The following DYNC2H1 variants were observed in gnomAD, a reference collection of about 807,000 sequenced individuals.
DYNC2H1 encodes the protein dynein cytoplasmic 2 heavy chain 1.
In DYNC2H1, 410 loss-of-function variants were observed where a neutral mutation model predicts 570.0. That is an observed-to-expected ratio of 0.72 (90% CI 0.66 to 0.78). DYNC2H1 has a LOEUF of 0.78. Among genes scored for constraint, DYNC2H1 ranks in the 30% least tolerant of loss-of-function variants. The pLI is 0.00. For synonymous variants in DYNC2H1, 1,688 were observed against 1,677.6 expected (o/e 1.01, Z -0.15); for missense variants, 4,865 against 5,046.4 (o/e 0.96, Z 1.09).
chr11:103,470,889 T>C (rs1463602653), intron 88 of DYNC2H1, among the ~76,000 whole-genome samples: 1 of 152,166 alleles, frequency 6.6e-6, no homozygotes, highest in Non-Finnish European at 1.5e-5. Context: ...TGTGCATGTG[T>C]CTTTATAGCA....
At chr11:103,376,511 A>G (rs1941401124) in intron 83 of DYNC2H1, among the ~76,000 whole-genome samples, 1 of 152,202 alleles carries the variant, frequency 6.6e-6, no homozygotes, top group African/African-American at 2.4e-5. Context: ...GGGCTAACAT[A>G]AAGAATCCTG....
In DYNC2H1 at chr11:103,479,653, T is replaced by G. The variant is rs1945679667; in HGVS notation, c.*400T>G. The G allele has an allele frequency of 6.5e-6, 1 of 154,426 alleles. No individual in the cohort carries two copies. Among genetic ancestry groups the G allele is most frequent in the African/African-American group, 2.4e-5 (1 of 41,486 alleles). The allele number at this position is 154,426 out of a possible 1,614,324, so 9.6% of individuals were successfully genotyped here. A position where few individuals can be genotyped will look rare whatever the true frequency, so the allele number is the denominator to read the frequency against. ...CAGTCTTCCCATGACTCTTTTTACA[T>G]ACTGAAGAATGTATTATAAAGTTAT... On this transcript the variant is annotated 3_prime_UTR_variant, in exon 89 of 89. Coordinates refer to ENST00000375735, the MANE Select transcript of DYNC2H1 (RefSeq NM_001377.3).
chr11:103,215,322 C>T (rs1434734744), intron 54 of DYNC2H1, among the ~76,000 whole-genome samples: 1 of 152,068 alleles, frequency 6.6e-6, no homozygotes, highest in East Asian at 1.9e-4. Flanking sequence ...AGGTATGTTC[C>T]TCCAATGCCT....
rs371611131 is a variant in DYNC2H1 at position 103,259,884 on chromosome 11, A to G, written c.10606-4A>G. ...CCTAATGAATTTCCAATTATAATCT[A>G]CAGGATTCTGAAAATACAGAACAGA... On this transcript the variant is annotated splice_polypyrimidine_tract_variant and splice_region_variant and intron_variant, in intron 69 of 88. Transcript: ENST00000375735. The G allele has an allele frequency of 2.6e-5, 39 of 1,513,122 alleles. No homozygotes were observed. Among genetic ancestry groups the G allele is most frequent in the Non-Finnish European group, 3.3e-5 (37 of 1,124,454 alleles). The allele number at this position is 1,513,122 out of a possible 1,614,324, so 93.7% of individuals were successfully genotyped here. A position where few individuals can be genotyped will look rare whatever the true frequency, so the allele number is the denominator to read the frequency against.
intron 83 of DYNC2H1, among the ~76,000 whole-genome samples, chr11:103,390,100 TAA>T (rs1183417260): frequency 6.6e-6 from 1 of 152,198 alleles, no homozygotes; most frequent in African/African-American, 2.4e-5. Flanking sequence ...AGTGGGGTGT[TAA>T]AGTCTCCCAT....
chr11:103,267,516 A>G (rs1865556955), intron 70 of DYNC2H1, among the ~76,000 whole-genome samples: 3 of 152,018 alleles, frequency 2.0e-5, no homozygotes, highest in Admixed American at 2.0e-4. Flanking sequence ...CTAAAATGTT[A>G]TGATCCTAAT....
chr11:103,225,999 T>C (rs1375375897), intron 59 of DYNC2H1, among the ~76,000 whole-genome samples: 2 of 151,986 alleles, frequency 1.3e-5, no homozygotes, highest in African/African-American at 4.8e-5. Flanking sequence ...GAGTTCTTGA[T>C]TTGATTCTTA....
chr11:103,226,573 G>A (rs1207394496), intron 59 of DYNC2H1, among the ~76,000 whole-genome samples: 3 of 152,168 alleles, frequency 2.0e-5, no homozygotes, highest in Non-Finnish European at 2.9e-5. Flanking sequence ...AGTTGATCAT[G>A]GTGGATTATC....
At chr11:103,468,503 A>G in intron 87 of DYNC2H1, 86 bp from the exon 88 acceptor site, 1 of 845,104 alleles carries the variant, frequency 1.2e-6, no homozygotes, top group Non-Finnish European at 1.9e-6. Context: ...CACAATGGAA[A>G]GCATAGCTCT....
intron 58 of DYNC2H1, among the ~76,000 whole-genome samples, chr11:103,222,382 C>CTG (rs1011250663): frequency 5.9e-5 from 9 of 152,048 alleles, no homozygotes; most frequent in African/African-American, 2.2e-4. Flanking sequence ...AGTTTTGTAT[C>CTG]TGCTGTTAAT....
At chr11:103,382,439 A>G (rs1476644220) in intron 83 of DYNC2H1, among the ~76,000 whole-genome samples, 1 of 152,242 alleles carries the variant, frequency 6.6e-6, no homozygotes, top group Admixed American at 6.5e-5. Flanking sequence ...TAAAATTAAG[A>G]AAGTAACAAA....
At chr11:103,279,742 T>C (rs921815236) in intron 70 of DYNC2H1, among the ~76,000 whole-genome samples, 2 of 152,198 alleles carry the variant, frequency 1.3e-5, no homozygotes, top group African/African-American at 2.4e-5. Flanking sequence ...TACTGGGTTA[T>C]CTGATAGTTT....
At chr11:103,155,275 G>T in intron 24 of DYNC2H1, 56 bp from the exon 25 acceptor site, 6 of 1,467,056 alleles carry the variant, frequency 4.1e-6, no homozygotes, top group Non-Finnish European at 5.4e-6. Flanking sequence ...TTTGCATTTT[G>T]CTAATATATG....
intron 81 of DYNC2H1, 46 bp downstream of exon 81, chr11:103,321,283 G>A: frequency 1.4e-6 from 2 of 1,480,042 alleles, no homozygotes; most frequent in Non-Finnish European, 1.9e-6. Context: ...GTAGATACGT[G>A]AATCATTTCT....
At chr11:103,208,106 A>T (rs914465842) in intron 52 of DYNC2H1, among the ~76,000 whole-genome samples, 1 of 152,104 alleles carries the variant, frequency 6.6e-6, no homozygotes, top group Non-Finnish European at 1.5e-5. Context: ...ACTTAGTGAT[A>T]ATTACAAAAT....
At chr11:103,400,369 T>G (rs1040202167) in intron 84 of DYNC2H1, among the ~76,000 whole-genome samples, 1 of 152,124 alleles carries the variant, frequency 6.6e-6, no homozygotes, top group Non-Finnish European at 1.5e-5. Context: ...TTCCTGGAGC[T>G]GGGGATGGAT....
At chr11:103,367,253 C>T (rs1250807814) in intron 83 of DYNC2H1, among the ~76,000 whole-genome samples, 1 of 151,884 alleles carries the variant, frequency 6.6e-6, no homozygotes, top group African/African-American at 2.4e-5. Flanking sequence ...TTCATTGTTC[C>T]AATAGTTATT....
At chr11:103,430,117 C>G (rs646325) in intron 84 of DYNC2H1, among the ~76,000 whole-genome samples, 1 of 151,820 alleles carries the variant, frequency 6.6e-6, no homozygotes, top group East Asian at 1.9e-4. Flanking sequence ...GTTAGTAGTA[C>G]AAGTAATTCC....
Position 103,177,935 on chromosome 11 carries a change from G to A in DYNC2H1, c.6139+115G>A. On this transcript the variant is annotated intron_variant, in intron 38 of 88. Coordinates refer to ENST00000375735, the MANE Select transcript of DYNC2H1 (RefSeq NM_001377.3). This position sits in a 1 kb window ranked among gnomAD's most constrained non-coding sequence, Gnocchi z 4.4. ...TACATGACCATAAAGTCATAATTAA[G>A]TTAAAATGATGTACATTTGATATTT... The A allele has an allele frequency of 8.3e-7, 1 of 1,202,192 alleles. No homozygotes were observed. The highest frequency in any genetic ancestry group is 1.1e-6 in the Non-Finnish European group (1 of 896,254). The allele number at this position is 1,202,192 out of a possible 1,614,324, so 74.5% of individuals were successfully genotyped here.
Sources: allele counts gnomAD v4.1 joint callset (sites outside exome capture counted in the v4.1 genomes callset), GRCh38; gene constraint gnomAD v4.1.1; non-coding constraint Gnocchi (gnomAD v3.1); transcripts MANE v1.5; gene names NCBI Gene and HGNC (gene_info 2026-07-23, HGNC 2026-07-21).